HERC1: variants seen among roughly 807,000 people sequenced by gnomAD.
HERC1 encodes the protein probable E3 ubiquitin-protein ligase HERC1.
HERC1 carries 160 observed loss-of-function variants against 554.3 expected under a neutral mutation model. The ratio of observed to expected loss-of-function variants is 0.29; its 90% CI spans 0.25 to 0.33. HERC1 has a LOEUF of 0.33. Among genes scored for constraint, HERC1 ranks in the 10% least tolerant of loss-of-function variants. HERC1 has a pLI of 1.00. For synonymous variants in HERC1, 2,175 were observed against 2,131.7 expected (o/e 1.02, Z -0.56); for missense variants, 4,919 against 5,918.5 (o/e 0.83, Z 5.54).
At chr15:63,816,101 A>G (rs1183197417) in intron 1 of HERC1, among the ~76,000 whole-genome samples, 1 of 151,938 alleles carries the variant, frequency 6.6e-6, no homozygotes, top group Admixed American at 6.6e-5. Flanking sequence ...CCATATACCT[A>G]ACATTTCCCA....
At chr15:63,816,829 T>C (rs1169301468) in intron 1 of HERC1, among the ~76,000 whole-genome samples, 2 of 152,154 alleles carry the variant, frequency 1.3e-5, no homozygotes, top group Non-Finnish European at 2.9e-5. Context: ...GAAGGAATAA[T>C]AGAATTTCAC....
At chr15:63,730,372 C>T (rs531083952) in intron 14 of HERC1, among the ~76,000 whole-genome samples, 7 of 151,750 alleles carry the variant, frequency 4.6e-5, no homozygotes, top group African/African-American at 1.5e-4. Context: ...GGTGGGAGGA[C>T]CACTTGAGCC....
Position 63,821,982 on chromosome 15 carries a change from T to C in HERC1, c.-27+11845A>G, listed in dbSNP as rs555881091. Among the ~76,000 whole-genome samples the C allele has an allele frequency of 1.9e-3, 284 of 151,964 alleles. 1 individual carries two copies. The highest frequency in any genetic ancestry group is 5.9e-3 in the African/African-American group (245 of 41,456). On this transcript the variant is annotated intron_variant, in intron 1 of 77. Coordinates refer to ENST00000443617, the MANE Select transcript of HERC1 (RefSeq NM_003922.4). ...ATAAAAAAAAGTAAAGCAAGAGAGA[T>C]AGGGGATGTAGGGAGTGGCCACTAT...
chr15:63,706,030 CAAAAA>C lies in HERC1; in HGVS notation c.4636+745_4636+749del, dbSNP rs35213471. ...GGACAACAAAGCAAGACCCTGTCTC[CAAAAA>C]AAAAAAAAAAAAAAAAAGCAGCAGT... On this transcript the variant is annotated intron_variant, in intron 25 of 77. Transcript: ENST00000443617. Among the ~76,000 whole-genome samples, 5 of 46,804 alleles carry C rather than the reference CAAAAA, an allele frequency of 1.1e-4. No homozygotes were observed. In the South Asian group the frequency reaches 4.5e-3, roughly 42 times the overall value. 30.7% of individuals were successfully genotyped at this position (46,804 alleles called of 152,430 possible). A position where few individuals can be genotyped will look rare whatever the true frequency, so the allele number is the denominator to read the frequency against.
At chr15:63,704,477 T>C (rs1338308697) in intron 25 of HERC1, among the ~76,000 whole-genome samples, 3 of 152,214 alleles carry the variant, frequency 2.0e-5, no homozygotes, top group African/African-American at 7.2e-5. Context: ...ATAAATTGGA[T>C]TTCTTATGCT....
chr15:63,632,297 A>C (rs1214973335), intron 68 of HERC1: 1 of 222,020 alleles, frequency 4.5e-6, no homozygotes, highest in Non-Finnish European at 9.1e-6. Flanking sequence ...GAACCTACTC[A>C]AGATTTGAAC....
rs1450175293 is a variant in HERC1 at position 63,692,991 on chromosome 15, G to A, written c.5675-425C>T. Among the ~76,000 whole-genome samples, 1 of 151,872 alleles carries A rather than the reference G, an allele frequency of 6.6e-6. No individual in the cohort carries two copies. The highest frequency in any genetic ancestry group is 2.4e-5 in the African/African-American group (1 of 41,342). On this transcript the variant is annotated intron_variant, in intron 30 of 77. Coordinates refer to ENST00000443617, the MANE Select transcript of HERC1 (RefSeq NM_003922.4). This position sits in a 1 kb window ranked among gnomAD's most constrained non-coding sequence, Gnocchi z 4.7. Reference sequence around the variant, plus strand: ...AGGTCAGGAGTTCAAGATCAGCCTGGCCAACATAGCGAAACCCCGTCTCTA... The same window carrying A: ...AGGTCAGGAGTTCAAGATCAGCCTGACCAACATAGCGAAACCCCGTCTCTA...
At chr15:63,696,100 T>C (rs1409601256) in intron 27 of HERC1, 24 bp downstream of exon 27, 2 of 1,509,780 alleles carry the variant, frequency 1.3e-6, no homozygotes, top group Non-Finnish European at 1.8e-6. Context: ...TTAAAATCTG[T>C]ATATACTGCA....
intron 1 of HERC1, among the ~76,000 whole-genome samples, chr15:63,807,893 C>T (rs768068702): frequency 8.6e-5 from 13 of 151,920 alleles, no homozygotes; most frequent in Non-Finnish European, 1.6e-4. Context: ...CCGCCCCCTG[C>T]CCAAATTAAA....
Position 63,608,861 on chromosome 15 carries a change from C to A in HERC1, c.*220G>T, listed in dbSNP as rs747852140. ...TGACCAAAAATATGGAGGGAAAAAC[C>A]TGACTGAGAGCACTTCGTTTTTGTT... is the stretch of plus-strand genomic sequence containing the variant. On this transcript the variant is annotated 3_prime_UTR_variant, in exon 78 of 78. Coordinates refer to ENST00000443617, the MANE Select transcript of HERC1 (RefSeq NM_003922.4). 10 of 404,618 alleles carry A rather than the reference C, an allele frequency of 2.5e-5. No homozygotes were observed. The highest frequency in any genetic ancestry group is 4.5e-5 in the East Asian group (1 of 22,192). The allele number at this position is 404,618 out of a possible 1,614,324, so 25.1% of individuals were successfully genotyped here.
intron 12 of HERC1, among the ~76,000 whole-genome samples, chr15:63,741,974 T>C (rs1197413926): frequency 6.6e-6 from 1 of 152,342 alleles, no homozygotes; most frequent in Admixed American, 6.5e-5. Context: ...TCTGGATCCT[T>C]GAATTTCCAT....
At position 63,694,596 on chromosome 15, in the gene HERC1, G is replaced by T. The variant is rs769625664; in HGVS notation, c.5243-47C>A. Reference sequence around the variant, plus strand: ...AAGAATCTTCCTTTCAGTAAACAAAGCATTTATTAAAATGAATAATTTTCT... The same window carrying T: ...AAGAATCTTCCTTTCAGTAAACAAATCATTTATTAAAATGAATAATTTTCT... On this transcript the variant is annotated intron_variant, in intron 28 of 77. Coordinates refer to ENST00000443617, the MANE Select transcript of HERC1 (RefSeq NM_003922.4). This position sits in a 1 kb window ranked among gnomAD's most constrained non-coding sequence, Gnocchi z 4.3. The T allele has an allele frequency of 4.6e-6, 7 of 1,517,712 alleles. No individual in the cohort carries two copies. The highest frequency in any genetic ancestry group is 5.5e-6 in the Non-Finnish European group (6 of 1,100,330). The allele number at this position is 1,517,712 out of a possible 1,614,324, so 94.0% of individuals were successfully genotyped here. A position where few individuals can be genotyped will look rare whatever the true frequency, so the allele number is the denominator to read the frequency against.
At position 63,727,646 on chromosome 15, in the gene HERC1, C is replaced by A. The variant is rs1282160147; in HGVS notation, c.3346+1G>T. ...TTTGCTCTTTTATTGTCTTTACTTA[C>A]CATGAAGAGGCCACTGTAACTCCTG... is the stretch of plus-strand genomic sequence containing the variant. On this transcript the variant is annotated splice_donor_variant, in intron 17 of 77. Coordinates refer to ENST00000443617, the MANE Select transcript of HERC1 (RefSeq NM_003922.4). LOFTEE classifies it high-confidence loss of function. The surrounding 1 kb of genome is among the most constrained non-coding windows in gnomAD (Gnocchi z 4.3). 1 of 1,606,128 alleles carries A rather than the reference C, an allele frequency of 6.2e-7. No individual in the cohort carries two copies. The highest frequency in any genetic ancestry group is 8.5e-7 in the Non-Finnish European group (1 of 1,175,688).
chr15:63,689,645 C>A lies in HERC1; in HGVS notation c.5992G>T (p.Ala1998Ser), dbSNP rs189477731. 1.1e-5 allele frequency: 17 copies of A among 1,589,600 alleles called. No homozygotes were observed. The Admixed American group carries it at 3.0e-4, about 28-fold the overall frequency. The change falls in exon 33 of 78, where the codon GCT becomes TCT. Residue 1998 changes from alanine to serine, a missense_variant. Around this residue, in one of 11 missense-constraint regions of HERC1, gnomAD observed 1,121 missense variants for 1,244.0 expected, o/e 0.90. Transcript: ENST00000443617. ...LSDCMWETPI[A>S]QAKHAIQIKE... ...ATCTGAATAGCATGTTTGGCCTGAG[C>A]AATGGGTGTCTCCCACATACAATCA... is the stretch of plus-strand genomic sequence containing the variant.
At position 63,698,643 on chromosome 15, in the gene HERC1, G is replaced by T; in HGVS notation, c.4905+85C>A. ...GGGAAGGCAAGGAATAGAAGAAAAG[G>T]AAAGGTTTTCCCTAGAACTATACAT... is the stretch of plus-strand genomic sequence containing the variant. On this transcript the variant is annotated intron_variant, in intron 26 of 77. Coordinates refer to ENST00000443617, the MANE Select transcript of HERC1 (RefSeq NM_003922.4). The T allele has an allele frequency of 3.7e-6, 5 of 1,350,050 alleles. No individual in the cohort carries two copies. The South Asian group carries it at 4.6e-5, about 12-fold the overall frequency. 83.6% of individuals were successfully genotyped at this position (1,350,050 alleles called of 1,614,324 possible).
intron 12 of HERC1, among the ~76,000 whole-genome samples, chr15:63,743,111 C>CT (rs2074879669): frequency 1.3e-5 from 2 of 152,048 alleles, no homozygotes; most frequent in Non-Finnish European, 2.9e-5. Context: ...TGCTCCTGGG[C>CT]TTTTCTTCAT....
intron 1 of HERC1, among the ~76,000 whole-genome samples, chr15:63,812,583 T>G (rs115893480): frequency 6.6e-6 from 1 of 152,048 alleles, no homozygotes; most frequent in Non-Finnish European, 1.5e-5. Context: ...ATCTCTCAGG[T>G]TGACAAAAAA....
chr15:63,610,033 C>A (rs1045173089), intron 77 of HERC1, among the ~76,000 whole-genome samples: 1 of 151,988 alleles, frequency 6.6e-6, no homozygotes, highest in Non-Finnish European at 1.5e-5. Flanking sequence ...GGATTATATA[C>A]GTTCCCTATC....
chr15:63,724,293 C>A lies in HERC1; in HGVS notation c.3569-938G>T, dbSNP rs535557419. 1.8e-3 allele frequency among the ~76,000 whole-genome samples: 281 copies of A among 152,110 alleles called. 1 individual carries two copies. The highest frequency in any genetic ancestry group is 5.9e-3 in the African/African-American group (243 of 41,484). ...GAATTATCTTTATCATGTTAAAGAC[C>A]CCTTGAAAAACCATGATTTTACTTT... On this transcript the variant is annotated intron_variant, in intron 18 of 77. Transcript: ENST00000443617.
Sources: gnomAD v4.1 joint callset for allele counts (sites outside exome capture counted in the v4.1 genomes callset) on GRCh38, gnomAD v4.1.1 for gene constraint, gnomAD v4.1.1 regional missense constraint, Gnocchi (gnomAD v3.1) non-coding constraint, MANE v1.5 for transcripts, NCBI Gene and HGNC (gene_info 2026-07-23, HGNC 2026-07-21) for gene names.